PTPRS: variants seen among roughly 807,000 people sequenced by gnomAD.
PTPRS encodes the protein protein tyrosine phosphatase receptor type S.
PTPRS carries 63 observed loss-of-function variants against 215.3 expected under a neutral mutation model. The observed-to-expected ratio is 0.29, with a 90% confidence interval of 0.24 to 0.36. The LOEUF (loss-of-function observed/expected upper bound fraction) is 0.36, where lower values mean the gene tolerates loss of function less well. Among genes scored for constraint, PTPRS ranks in the 10% least tolerant of loss-of-function variants. The pLI is 1.00. For missense variants in PTPRS, 2,258 were observed against 2,825.8 expected (o/e 0.80, Z 4.56); for synonymous variants, 1,404 against 1,191.4 (o/e 1.18, Z -3.68).
chr19:5,260,740 G>A, intron 7 of PTPRS, 65 bp downstream of exon 7: 12 of 1,596,170 alleles, frequency 7.5e-6, no homozygotes, highest in East Asian at 2.2e-5. Context: ...GCCCTGTGGA[G>A]CCTGAGGGGC....
chr19:5,310,597 C>G (rs1424895389), intron 1 of PTPRS, among the ~76,000 whole-genome samples: 1 of 152,178 alleles, frequency 6.6e-6, no homozygotes, highest in Non-Finnish European at 1.5e-5. Flanking sequence ...AAATTGCAGG[C>G]ATGAGCCACT....
chr19:5,260,408 G>A (rs188466102), intron 7 of PTPRS, among the ~76,000 whole-genome samples: 1 of 152,234 alleles, frequency 6.6e-6, no homozygotes, highest in African/African-American at 2.4e-5. Context: ...TTGAACTCCT[G>A]ACCTCAGGTG....
intron 13 of PTPRS, among the ~76,000 whole-genome samples, chr19:5,233,005 CCTA>C (rs763993542): frequency 3.9e-5 from 6 of 152,054 alleles, no homozygotes; most frequent in Admixed American, 3.3e-4. Context: ...TTATTAAGCA[CCTA>C]CTATATGCCA....
At chr19:5,215,166 C>T (rs2041306470) in intron 28 of PTPRS, 123 bp downstream of exon 28, 1 of 1,319,480 alleles carries the variant, frequency 7.6e-7, no homozygotes, top group Non-Finnish European at 1.1e-6. Context: ...CAGTGGCCTC[C>T]AGTTGGAGCT....
intron 20 of PTPRS, among the ~76,000 whole-genome samples, chr19:5,220,706 T>C (rs914250645): frequency 3.3e-5 from 5 of 152,110 alleles, no homozygotes; most frequent in African/African-American, 1.2e-4. Context: ...CAGCTTTGCC[T>C]CCCCACTAGT....
Position 5,229,529 on chromosome 19 carries a change from G to C in PTPRS, c.2311C>G (p.Pro771Ala). ...AGCATGACGTCCTTGATGCGCGGCGGCCCGCGGGCCTCGGCGCCCTCCATG... is the reference window on the plus strand; with the variant it reads ...AGCATGACGTCCTTGATGCGCGGCGCCCCGCGGGCCTCGGCGCCCTCCATG... ...VRMEGAEARG[P>A]PRIKDVMLAD... Residue 771 changes from proline (P) to alanine (A), a missense_variant, in exon 15 of 38, where the codon CCG (proline) becomes GCG (alanine). This residue lies in a region of PTPRS where 371 missense variants were observed against 446.7 expected (regional missense o/e 0.83). Coordinates refer to ENST00000262963, the MANE Select transcript of PTPRS (RefSeq NM_002850.4). 9 of 1,465,226 alleles carry C rather than the reference G, an allele frequency of 6.1e-6. No individual in the cohort carries two copies. Among genetic ancestry groups the C allele is most frequent in the Non-Finnish European group, 8.1e-6 (9 of 1,110,746 alleles). 90.8% of individuals were successfully genotyped at this position (1,465,226 alleles called of 1,614,324 possible).
At position 5,229,043 on chromosome 19, in the gene PTPRS, T is replaced by A. The variant is rs556647827; in HGVS notation, c.2376+273A>T. Among the ~76,000 whole-genome samples, 11 of 151,964 alleles carry A rather than the reference T, an allele frequency of 7.2e-5. No individual in the cohort carries two copies. In the South Asian group the frequency reaches 2.3e-3, roughly 32 times the overall value. On this transcript the variant is annotated intron_variant, in intron 16 of 37. Coordinates refer to ENST00000262963, the MANE Select transcript of PTPRS (RefSeq NM_002850.4). ...CCACCAATGGCAGGAGCCATCAGGG[T>A]GAGAGGATTCAGGGACGACCCTCAG... is the stretch of plus-strand genomic sequence containing the variant.
chr19:5,235,010 G>A (rs190135687), intron 13 of PTPRS, among the ~76,000 whole-genome samples: 49 of 149,936 alleles, frequency 3.3e-4, no homozygotes, highest in Middle Eastern at 3.5e-3. Flanking sequence ...GCGCGATCTC[G>A]GCTCACTGCA....
chr19:5,252,602 G>A (rs1470399229), intron 9 of PTPRS, among the ~76,000 whole-genome samples: 2 of 140,720 alleles, frequency 1.4e-5, no homozygotes, highest in South Asian at 2.2e-4. Context: ...AAAAAAGGCC[G>A]AGTGTGGTGG....
chr19:5,291,721 G>C (rs1288975805), intron 1 of PTPRS, among the ~76,000 whole-genome samples: 1 of 151,744 alleles, frequency 6.6e-6, no homozygotes, highest in East Asian at 1.9e-4. Flanking sequence ...CATCCTGTAA[G>C]CTGCAGCCAC....
rs2040749048 is a variant in PTPRS, at chr19:5,210,274, G to A, written c.5487+195C>T. On this transcript the variant is annotated intron_variant, in intron 35 of 37. Transcript: ENST00000262963. This position sits in a 1 kb window ranked among gnomAD's most constrained non-coding sequence, Gnocchi z 4.5. The stretch of plus-strand genomic sequence containing the variant: ...TCCCTAGTGAGTGGAGACACTGCAG[G>A]GTCAGCACAGAGATAAGACCCTCTC... 6.6e-6 allele frequency among the ~76,000 whole-genome samples: 1 copy of A among 152,144 alleles called. No homozygotes were observed. The highest frequency in any genetic ancestry group is 2.4e-5 in the African/African-American group (1 of 41,414).
intron 4 of PTPRS, 131 bp from the exon 5 acceptor site, chr19:5,265,327 C>T (rs771363746): frequency 9.6e-5 from 73 of 761,696 alleles, no homozygotes; most frequent in Non-Finnish European, 1.4e-4. Flanking sequence ...GCCATGGGTG[C>T]CATCCTTTAC....
At chr19:5,229,433 G>A in intron 15 of PTPRS, 58 bp downstream of exon 15, 5 of 1,362,788 alleles carry the variant, frequency 3.7e-6, no homozygotes, top group South Asian at 3.7e-5. Context: ...TGGGGGGAGC[G>A]CAAGGGCCCG....
intron 1 of PTPRS, among the ~76,000 whole-genome samples, chr19:5,302,567 G>A (rs572235114): frequency 4.6e-5 from 7 of 152,236 alleles, no homozygotes; most frequent in East Asian, 1.9e-4. Flanking sequence ...ACCAGCAGCC[G>A]GATGGGATTT....
At chr19:5,211,440 A>T in intron 33 of PTPRS, 150 bp downstream of exon 33, 1 of 718,204 alleles carries the variant, frequency 1.4e-6, no homozygotes, top group African/African-American at 1.8e-5. Context: ...GACAGCAGCC[A>T]TCAGTTAAAT....
At chr19:5,263,844 C>T (rs918522185) in intron 5 of PTPRS, among the ~76,000 whole-genome samples, 8 of 152,292 alleles carry the variant, frequency 5.3e-5, no homozygotes, top group East Asian at 1.9e-4. Context: ...TTGCTCCGGG[C>T]GGGGGAAGGG....
chr19:5,216,673 ACGGGGG>A, intron 26 of PTPRS, 41 bp downstream of exon 26: 3 of 1,420,204 alleles, frequency 2.1e-6, no homozygotes, highest in Non-Finnish European at 2.9e-6. Flanking sequence ...GAGGAAATGA[ACGGGGG>A]CGGGGGCGAA....
rs2051086923 is a variant in PTPRS, at chr19:5,340,765, TGC to T, written c.-198_-197del. ...GCCCGAGCGCCAGCGGCTCGCGGCGTGCGCGCGCCGGCCGGGCTGCCGGGCGG... is the reference window on the plus strand; with the variant it reads ...GCCCGAGCGCCAGCGGCTCGCGGCGTGCGCGCCGGCCGGGCTGCCGGGCGG... On this transcript the variant is annotated 5_prime_UTR_variant, in exon 1 of 38. Coordinates refer to ENST00000262963, the MANE Select transcript of PTPRS (RefSeq NM_002850.4). 1 of 148,840 alleles carries T rather than the reference TGC, an allele frequency of 6.7e-6. No individual in the cohort carries two copies. Among genetic ancestry groups the T allele is most frequent in the South Asian group, 2.1e-4 (1 of 4,786 alleles). 9.2% of individuals were successfully genotyped at this position (148,840 alleles called of 1,614,324 possible).
intron 25 of PTPRS, 49 bp downstream of exon 25, chr19:5,218,371 G>A (rs953471979): frequency 6.5e-7 from 1 of 1,547,928 alleles, no homozygotes. Flanking sequence ...CTTCTCCCCA[G>A]CTATCTCCCC....
Sources: allele counts gnomAD v4.1 joint callset (sites outside exome capture counted in the v4.1 genomes callset), GRCh38; gene constraint gnomAD v4.1.1; regional missense constraint gnomAD v4.1.1; non-coding constraint Gnocchi (gnomAD v3.1); transcripts MANE v1.5; gene names NCBI Gene and HGNC (gene_info 2026-07-23, HGNC 2026-07-21).